Variants in HCRTR2 observed in about 807,000 individuals in gnomAD.
HCRTR2 encodes the protein hypocretin receptor 2.
HCRTR2 carries 22 observed loss-of-function variants against 49.0 expected under a neutral mutation model. The ratio of observed to expected loss-of-function variants is 0.45; its 90% confidence interval spans 0.32 to 0.64. HCRTR2 has a LOEUF of 0.64. Among genes scored for constraint, HCRTR2 ranks in the 30% least tolerant of loss-of-function variants. HCRTR2 has a pLI of 0.04. For missense variants in HCRTR2, 491 were observed against 559.4 expected, an observed-to-expected ratio of 0.88 and a Z score of 1.23; for synonymous variants, 236 against 205.3, an observed-to-expected ratio of 1.15 and a Z score of -1.28.
intron 1 of HCRTR2, among the ~76,000 whole-genome samples, chr6:55,215,179 A>G (rs1765765980): frequency 6.6e-6 from 1 of 152,204 alleles, no homozygotes; most frequent in South Asian, 2.1e-4. Flanking sequence ...TTTTGAAAGC[A>G]GAAAGAAAAT....
chr6:55,180,549 C>A (rs1270371969), intron 1 of HCRTR2, among the ~76,000 whole-genome samples: 1 of 149,758 alleles, frequency 6.7e-6, no homozygotes, highest in Non-Finnish European at 1.5e-5. Flanking sequence ...ATAGGTGCTG[C>A]CAAAAATGCT....
chr6:55,273,212 A>G (rs1005046357), intron 4 of HCRTR2, among the ~76,000 whole-genome samples: 5 of 151,966 alleles, frequency 3.3e-5, no homozygotes, highest in African/African-American at 1.2e-4. Context: ...GGGCAAGGAA[A>G]ATTTTCATGG....
intron 5 of HCRTR2, among the ~76,000 whole-genome samples, 162 bp downstream of exon 5, chr6:55,277,762 C>CGAA (rs958756819): frequency 6.6e-6 from 1 of 151,212 alleles, no homozygotes; most frequent in Admixed American, 6.6e-5. Flanking sequence ...GCAGGTAAGG[C>CGAA]GAACAGCCTT....
At chr6:55,227,268 C>A (rs1235594857) in intron 1 of HCRTR2, among the ~76,000 whole-genome samples, 2 of 152,038 alleles carry the variant, frequency 1.3e-5, no homozygotes, top group South Asian at 2.1e-4. Context: ...ATGGAGATAT[C>A]AATGGGTTAT....
intron 4 of HCRTR2, among the ~76,000 whole-genome samples, chr6:55,274,968 A>C (rs1375322593): frequency 2.0e-5 from 3 of 151,976 alleles, no homozygotes; most frequent in Non-Finnish European, 4.4e-5. Context: ...GGGCCTGGAG[A>C]TTTTCTTGTA....
At chr6:55,273,104 C>T (rs1767005456) in intron 4 of HCRTR2, among the ~76,000 whole-genome samples, 1 of 151,954 alleles carries the variant, frequency 6.6e-6, no homozygotes, top group Non-Finnish European at 1.5e-5. Flanking sequence ...CAGAGCAGTA[C>T]TGAGGTAAAC....
intron 1 of HCRTR2, among the ~76,000 whole-genome samples, chr6:55,147,002 C>T (rs1372539650): frequency 6.6e-6 from 1 of 152,140 alleles, no homozygotes; most frequent in Non-Finnish European, 1.5e-5. Flanking sequence ...TGGGATGCTA[C>T]CTAAGCACTG....
intron 4 of HCRTR2, 65 bp from the exon 5 acceptor site, chr6:55,277,315 T>A: frequency 7.4e-7 from 1 of 1,355,448 alleles, no homozygotes; most frequent in Middle Eastern, 1.8e-4. Flanking sequence ...GTTTTCTAAT[T>A]ACTTCCCCAA....
chr6:55,171,025 A>G (rs1229947667), upstream of HCRTR2, among the ~76,000 whole-genome samples: 1 of 152,078 alleles, frequency 6.6e-6, no homozygotes, highest in Non-Finnish European at 1.5e-5. Flanking sequence ...TATTGTGAAT[A>G]GTGCCGCAAT....
chr6:55,205,884 A>T (rs1415623412), intron 1 of HCRTR2, among the ~76,000 whole-genome samples: 1 of 151,976 alleles, frequency 6.6e-6, no homozygotes. Flanking sequence ...CCTAGCTTGA[A>T]TTTTTTTACA....
At chr6:55,255,101 TG>T (rs749433023) in intron 2 of HCRTR2, 34 bp from the exon 3 acceptor site, 1 of 1,611,724 alleles carries the variant, frequency 6.2e-7, no homozygotes, top group South Asian at 1.1e-5. Context: ...TAACAGCTGG[TG>T]CTTCTCTATT....
chr6:55,250,881 T>A (rs10214854), intron 2 of HCRTR2, among the ~76,000 whole-genome samples: 12,461 of 152,102 alleles, frequency 0.082, 1,089 homozygotes, highest in African/African-American at 0.22. Flanking sequence ...AACTACTGGG[T>A]AACCACATGA....
At chr6:55,262,280 C>G (rs1766772575) in intron 3 of HCRTR2, among the ~76,000 whole-genome samples, 1 of 145,300 alleles carries the variant, frequency 6.9e-6, no homozygotes, top group Admixed American at 7.2e-5. Context: ...TAAAAAAATA[C>G]ATACATACAA....
chr6:55,262,784 A>G (rs1363859248), intron 3 of HCRTR2, among the ~76,000 whole-genome samples: 1 of 140,090 alleles, frequency 7.1e-6, no homozygotes, highest in South Asian at 2.2e-4. Flanking sequence ...ATATATATAT[A>G]TATCTTCTAG....
At chr6:55,154,375 G>A (rs1163447693) in intron 1 of HCRTR2, among the ~76,000 whole-genome samples, 5 of 151,684 alleles carry the variant, frequency 3.3e-5, no homozygotes, top group Non-Finnish European at 7.4e-5. Flanking sequence ...AAAATCCTCA[G>A]TAAAATCCTA....
intron 1 of HCRTR2, among the ~76,000 whole-genome samples, chr6:55,222,500 G>A (rs1315804454): frequency 6.6e-6 from 1 of 152,068 alleles, no homozygotes; most frequent in Non-Finnish European, 1.5e-5. Context: ...GTTTATTGTA[G>A]CCTTATTTAC....
chr6:55,112,841 A>G (rs1441091204), intron 1 of HCRTR2, among the ~76,000 whole-genome samples: 1 of 152,108 alleles, frequency 6.6e-6, no homozygotes, highest in Non-Finnish European at 1.5e-5. Flanking sequence ...AGCAAAAAGA[A>G]TAAATCTGGA....
chr6:55,223,770 T>G (rs1765944207), intron 1 of HCRTR2, among the ~76,000 whole-genome samples: 1 of 152,064 alleles, frequency 6.6e-6, no homozygotes, highest in South Asian at 2.1e-4. Flanking sequence ...TTCGGGCAAC[T>G]TACCTAGAAA....
chr6:55,202,708 C>A (rs1765532002), intron 1 of HCRTR2, among the ~76,000 whole-genome samples: 1 of 151,870 alleles, frequency 6.6e-6, no homozygotes, highest in Non-Finnish European at 1.5e-5. Context: ...CTATTCCTTC[C>A]CAAAGGGCCC....
Sources: gnomAD v4.1 joint callset for allele counts (sites outside exome capture counted in the v4.1 genomes callset) on GRCh38, gnomAD v4.1.1 for gene constraint, MANE v1.5 for transcripts, NCBI Gene and HGNC (gene_info 2026-07-23, HGNC 2026-07-21) for gene names.